Variants in CRISPLD2 observed in about 807,000 individuals in gnomAD.
CRISPLD2 encodes cysteine-rich secretory protein LCCL domain-containing 2.
CRISPLD2 carries 47 observed loss-of-function variants against 71.1 expected under a neutral mutation model. The observed-to-expected ratio is 0.66, with a 90% CI of 0.52 to 0.84. The LOEUF is 0.84. Among genes scored for constraint, CRISPLD2 ranks in the 40% least tolerant of loss-of-function variants. The pLI, the probability that CRISPLD2 is intolerant of heterozygous loss-of-function variation, is 0.00. For synonymous variants in CRISPLD2, 317 were observed against 250.1 expected, an observed-to-expected ratio of 1.27 and a Z score of -2.52; for missense variants, 830 against 651.1, an observed-to-expected ratio of 1.27 and a Z score of -2.99.
chr16:84,882,497 C>A (rs2071577831), intron 13 of CRISPLD2, among the ~76,000 whole-genome samples: 1 of 152,122 alleles, frequency 6.6e-6, no homozygotes, highest in South Asian at 2.1e-4. Context: ...TGCAACCTCC[C>A]AGGTTCAAGA....
rs573357113 is a variant in CRISPLD2 at position 84,841,633 on chromosome 16, T to A, written c.240+2898T>A. ...TTTTTTGAGACAGAGTCTCGCTCTG[T>A]CCCCCAGGCTGGAGTGCAGTGGCGT... On this transcript the variant is annotated intron_variant, in intron 2 of 14. Coordinates refer to ENST00000262424, the MANE Select transcript of CRISPLD2 (RefSeq NM_031476.4). 9.9e-5 allele frequency among the ~76,000 whole-genome samples: 15 copies of A among 151,830 alleles called. No individual in the cohort carries two copies. In the South Asian group the frequency reaches 3.1e-3, roughly 32 times the overall value.
chr16:84,848,903 G>A (rs1328499767), intron 3 of CRISPLD2, among the ~76,000 whole-genome samples: 3 of 150,240 alleles, frequency 2.0e-5, no homozygotes, highest in Admixed American at 6.7e-5. Flanking sequence ...GGAGAATGGC[G>A]TGAACCCGGG....
At chr16:84,849,726 T>G (rs1371471786) in intron 4 of CRISPLD2, among the ~76,000 whole-genome samples, 2 of 151,404 alleles carry the variant, frequency 1.3e-5, no homozygotes, top group African/African-American at 4.9e-5. Flanking sequence ...AAACTCTTTT[T>G]TTTCTTTGAG....
chr16:84,894,512 C>T (rs969003905), intron 14 of CRISPLD2, among the ~76,000 whole-genome samples: 1 of 152,158 alleles, frequency 6.6e-6, no homozygotes, highest in Admixed American at 6.5e-5. Flanking sequence ...ACTGGGGACA[C>T]TGCCGGGAAC....
In CRISPLD2 at chr16:84,854,445, A is replaced by G. The variant is rs1917176276; in HGVS notation, c.609-284A>G. Among the ~76,000 whole-genome samples the G allele has an allele frequency of 2.0e-5, 3 of 151,908 alleles. No homozygotes were observed. In the South Asian group the frequency reaches 6.2e-4, roughly 31 times the overall value. ...ACAGTGTTCAGAGCTGTGTTGGTGGAAGGGGGGCCACGGGGCTGACAGCCA... is the reference window on the plus strand; with the variant it reads ...ACAGTGTTCAGAGCTGTGTTGGTGGGAGGGGGGCCACGGGGCTGACAGCCA... On this transcript the variant is annotated intron_variant, in intron 5 of 14. Coordinates refer to ENST00000262424, the MANE Select transcript of CRISPLD2 (RefSeq NM_031476.4).
In CRISPLD2 at chr16:84,877,401, T is replaced by C. The variant is rs758477206; in HGVS notation, c.1157-37T>C. On this transcript the variant is annotated intron_variant, in intron 11 of 14. Coordinates refer to ENST00000262424, the MANE Select transcript of CRISPLD2 (RefSeq NM_031476.4). ...CTGGTAGCCTGAGGCCCAGGCGTGC[T>C]GGGACCTGACCCTTTCCCCCTTGCT... is the stretch of plus-strand genomic sequence containing the variant. The C allele has an allele frequency of 3.1e-6, 5 of 1,603,052 alleles. No homozygotes were observed. The Admixed American group carries it at 8.3e-5, about 27-fold the overall frequency.
intron 8 of CRISPLD2, among the ~76,000 whole-genome samples, chr16:84,869,922 TCCA>T (rs2071451273): frequency 2.0e-5 from 3 of 152,168 alleles, no homozygotes; most frequent in Admixed American, 6.5e-5. Flanking sequence ...TCGAGGCAGT[TCCA>T]GAGTTGGGGT....
chr16:84,872,236 C>T (rs1021007078), intron 8 of CRISPLD2, among the ~76,000 whole-genome samples: 3 of 152,298 alleles, frequency 2.0e-5, no homozygotes, highest in African/African-American at 7.2e-5. Flanking sequence ...CAATCCCCCA[C>T]GGATACCGAG....
At chr16:84,887,643 G>A (rs750258511) in intron 13 of CRISPLD2, among the ~76,000 whole-genome samples, 22 of 152,146 alleles carry the variant, frequency 1.4e-4, no homozygotes, top group Non-Finnish European at 2.8e-4. Flanking sequence ...TTGGGAGGCC[G>A]AGGCGTGTGG....
intron 1 of CRISPLD2, among the ~76,000 whole-genome samples, chr16:84,832,563 G>A (rs968151893): frequency 6.6e-6 from 1 of 152,288 alleles, no homozygotes; most frequent in African/African-American, 2.4e-5. Flanking sequence ...CAGGTCTGCG[G>A]TGTGATTACA....
At chr16:84,822,461 C>G (rs1014809133) in intron 1 of CRISPLD2, among the ~76,000 whole-genome samples, 1 of 152,182 alleles carries the variant, frequency 6.6e-6, no homozygotes, top group African/African-American at 2.4e-5. Flanking sequence ...GGAACTGGAA[C>G]TTTTCTTTCC....
chr16:84,866,832 TCCCCAAAG>T, intron 6 of CRISPLD2, 57 bp from the exon 7 acceptor site: 2 of 1,510,352 alleles, frequency 1.3e-6, no homozygotes, highest in Non-Finnish European at 1.8e-6. Context: ...TGCTTTTTTT[TCCCCAAAG>T]TGCGTTTTTG....
Position 84,883,663 on chromosome 16 carries a change from A to G in CRISPLD2, c.1305+3079A>G, listed in dbSNP as rs1321346535. ...AGAATCTGCATTCCAACAAGTTCCC[A>G]GGTGAACCTGCTGGTCTGGAACTGC... On this transcript the variant is annotated intron_variant, in intron 13 of 14. Coordinates refer to ENST00000262424, the MANE Select transcript of CRISPLD2 (RefSeq NM_031476.4). Among the ~76,000 whole-genome samples the G allele has an allele frequency of 2.6e-5, 4 of 152,166 alleles. No homozygotes were observed. In the East Asian group the frequency reaches 7.7e-4, roughly 29 times the overall value.
chr16:84,889,726 G>A (rs1480605783), intron 14 of CRISPLD2, among the ~76,000 whole-genome samples: 1 of 151,306 alleles, frequency 6.6e-6, no homozygotes, highest in Non-Finnish European at 1.5e-5. Context: ...AGATTTCTTG[G>A]CGTGCGTCCT....
Position 84,844,204 on chromosome 16 carries a change from C to T in CRISPLD2, c.241-1582C>T, listed in dbSNP as rs1916850127. Among the ~76,000 whole-genome samples, 5 of 152,350 alleles carry T rather than the reference C, an allele frequency of 3.3e-5. No homozygotes were observed. The South Asian group carries it at 8.3e-4, about 25-fold the overall frequency. ...TTCATGGAATTCTCTCCCCAGGAGTCATGTGTGTTCCTGGGGCCAGCCTGT... is the reference window on the plus strand; with the variant it reads ...TTCATGGAATTCTCTCCCCAGGAGTTATGTGTGTTCCTGGGGCCAGCCTGT... On this transcript the variant is annotated intron_variant, in intron 2 of 14. Transcript: ENST00000262424.
At chr16:84,875,341 T>G (rs1034256320) in intron 11 of CRISPLD2, among the ~76,000 whole-genome samples, 4 of 151,320 alleles carry the variant, frequency 2.6e-5, no homozygotes, top group Non-Finnish European at 5.9e-5. Context: ...ATGGGCTGCA[T>G]GTAGCCCAGG....
chr16:84,824,717 A>G (rs956292157), intron 1 of CRISPLD2, among the ~76,000 whole-genome samples: 43 of 152,246 alleles, frequency 2.8e-4, no homozygotes, highest in Middle Eastern at 3.2e-3. Flanking sequence ...TCACGGCACC[A>G]GTGATCAGGT....
At position 84,845,791 on chromosome 16, in the gene CRISPLD2, G is replaced by A; in HGVS notation, c.246G>A (p.Trp82Ter). 1 of 1,611,638 alleles carries A rather than the reference G, an allele frequency of 6.2e-7. No homozygotes were observed. Among genetic ancestry groups the A allele is most frequent in the Non-Finnish European group, 8.5e-7 (1 of 1,178,050 alleles). Residue 82 changes from tryptophan (W) to a stop codon, truncating the protein, a stop_gained, in exon 3 of 15, where the codon TGG becomes TGA. Coordinates refer to ENST00000262424, the MANE Select transcript of CRISPLD2 (RefSeq NM_031476.4). LOFTEE classifies it high-confidence loss of function. ...CGTTTCTCCTTCTCCTGCAGACCTGGGATGACGAACTGGAGAAGTCTGCTG... is the reference window on the plus strand; with the variant it reads ...CGTTTCTCCTTCTCCTGCAGACCTGAGATGACGAACTGGAGAAGTCTGCTG... ...PQASNMEYMTWDDELEKSAAA... is the reference protein window; with the variant it reads ...PQASNMEYMT
At chr16:84,885,590 C>T (rs990107925) in intron 13 of CRISPLD2, among the ~76,000 whole-genome samples, 7 of 152,176 alleles carry the variant, frequency 4.6e-5, no homozygotes, top group East Asian at 1.9e-4. Context: ...TAAGGAACCC[C>T]GCCCTCATCC....
Sources: allele counts gnomAD v4.1 joint callset (sites outside exome capture counted in the v4.1 genomes callset), GRCh38; gene constraint gnomAD v4.1.1; transcripts MANE v1.5; gene names NCBI Gene and HGNC (gene_info 2026-07-23, HGNC 2026-07-21).